The following FKBP1B variants were observed in gnomAD, a reference collection of about 807,000 sequenced individuals.
The protein encoded by FKBP1B is peptidyl-prolyl cis-trans isomerase FKBP1B.
A neutral mutation model predicts 13.5 loss-of-function variants in FKBP1B; 4 were observed. The observed-to-expected ratio is 0.30, with a 90% CI of 0.15 to 0.68. The LOEUF (loss-of-function observed/expected upper bound fraction) is 0.68. Ranked by LOEUF, FKBP1B falls within the 30% of genes least tolerant of loss-of-function variation. FKBP1B has a pLI of 0.76. For synonymous variants in FKBP1B, 54 were observed against 53.6 expected, an observed-to-expected ratio of 1.01 and a Z score of -0.03; for missense variants, 93 against 136.2, an observed-to-expected ratio of 0.68 and a Z score of 1.58.
At position 24,050,277 on chromosome 2, in the gene FKBP1B, C is replaced by G. The variant is rs925591056; in HGVS notation, c.37+391C>G. On this transcript the variant is annotated intron_variant, in intron 1 of 3. Transcript: ENST00000380986. This position sits in a 1 kb window ranked among gnomAD's most constrained non-coding sequence, Gnocchi z 5.8. Reference sequence around the variant, plus strand: ...AGCTCTGGAAAGCAGGACCTGCTCTCGGATACCCGCTGCTCGGGGACCTCC... The same window carrying G: ...AGCTCTGGAAAGCAGGACCTGCTCTGGGATACCCGCTGCTCGGGGACCTCC... Among the ~76,000 whole-genome samples the G allele has an allele frequency of 6.6e-6, 1 of 152,210 alleles. No homozygotes were observed. Among genetic ancestry groups the G allele is most frequent in the African/African-American group, 2.4e-5 (1 of 41,450 alleles).
chr2:24,044,227 A>G, the FKBP1B span, among the ~76,000 whole-genome samples: 1 of 149,336 alleles, frequency 6.7e-6, no homozygotes, highest in Non-Finnish European at 1.5e-5. Context: ...CAAGACAAGG[A>G]TTTGGGAATA....
At chr2:24,033,513 G>A in the FKBP1B span, among the ~76,000 whole-genome samples, 1 of 152,296 alleles carries the variant, frequency 6.6e-6, no homozygotes, top group Non-Finnish European at 1.5e-5. Context: ...GGCTAAGATG[G>A]ACAGATCACT....
chr2:24,062,903 C>A, intron 3 of FKBP1B, 161 bp from the exon 4 acceptor site: 2 of 1,063,144 alleles, frequency 1.9e-6, no homozygotes, highest in Non-Finnish European at 2.7e-6. Flanking sequence ...TTTGTTAAAG[C>A]TGTTAGCACG....
At chr2:24,042,232 T>C in the FKBP1B span, among the ~76,000 whole-genome samples, 4 of 151,600 alleles carry the variant, frequency 2.6e-5, no homozygotes, top group African/African-American at 9.7e-5. Context: ...AGAAACCCCA[T>C]CTCTACTAAA....
chr2:24,060,677 G>A, intron 2 of FKBP1B, 137 bp from the exon 3 acceptor site: 1 of 636,462 alleles, frequency 1.6e-6, no homozygotes, highest in Non-Finnish European at 2.8e-6. Context: ...TTCCTGCTTG[G>A]GCAACAGGAT....
At chr2:24,037,851 T>C in the FKBP1B span, 1 of 1,614,224 alleles carries the variant, frequency 6.2e-7, no homozygotes. Flanking sequence ...TTTCACTTTG[T>C]AAGTTCTTTC....
chr2:24,058,086 A>G (rs893070156), intron 2 of FKBP1B, among the ~76,000 whole-genome samples: 1 of 151,744 alleles, frequency 6.6e-6, no homozygotes, highest in South Asian at 2.1e-4. Context: ...AATCCCAGCT[A>G]CTCGGGAGGC....
intron 2 of FKBP1B, among the ~76,000 whole-genome samples, chr2:24,057,924 C>T (rs994026370): frequency 4.6e-5 from 7 of 151,286 alleles, no homozygotes; most frequent in Middle Eastern, 3.2e-3. Context: ...AGGCCAGGTG[C>T]GGTGGCTCCT....
chr2:24,052,919 G>A (rs1443497137), intron 1 of FKBP1B, among the ~76,000 whole-genome samples: 1 of 151,982 alleles, frequency 6.6e-6, no homozygotes, highest in African/African-American at 2.4e-5. Flanking sequence ...GCTGCACAGA[G>A]CCGAGATCAT....
chr2:24,053,842 A>G, intron 1 of FKBP1B, 60 bp from the exon 2 acceptor site: 2 of 1,498,992 alleles, frequency 1.3e-6, no homozygotes, highest in Non-Finnish European at 1.9e-6. Context: ...GATCATACTT[A>G]ATGTCCCAGG....
At chr2:24,036,909 C>A in the FKBP1B span, among the ~76,000 whole-genome samples, 1 of 152,176 alleles carries the variant, frequency 6.6e-6, no homozygotes, top group Non-Finnish European at 1.5e-5. Flanking sequence ...TGGGGCAAGG[C>A]CATATTTTAT....
chr2:24,052,507 A>G (rs527296421), intron 1 of FKBP1B, among the ~76,000 whole-genome samples: 1 of 152,240 alleles, frequency 6.6e-6, no homozygotes, highest in African/African-American at 2.4e-5. Context: ...TTCAAGTCCC[A>G]GCTCCAGGGG....
At chr2:24,047,616 C>T (rs140096220), upstream of FKBP1B, among the ~76,000 whole-genome samples, 2 of 152,218 alleles carry the variant, frequency 1.3e-5, no homozygotes, top group African/African-American at 2.4e-5. Flanking sequence ...AACCACCGAC[C>T]GCAAGCCCGC....
intron 1 of FKBP1B, among the ~76,000 whole-genome samples, chr2:24,052,694 TG>T (rs1426175241): frequency 2.0e-5 from 3 of 152,176 alleles, no homozygotes; most frequent in Admixed American, 6.6e-5. Flanking sequence ...AGGGCGGGTT[TG>T]GTGGCTCATG....
the FKBP1B span, among the ~76,000 whole-genome samples, chr2:24,042,948 A>G: frequency 6.3e-5 from 9 of 141,812 alleles, no homozygotes; most frequent in East Asian, 6.6e-4. Flanking sequence ...CAGGAGAATC[A>G]CTTGAACCCA....
At chr2:24,043,821 T>C in the FKBP1B span, among the ~76,000 whole-genome samples, 1 of 152,210 alleles carries the variant, frequency 6.6e-6, no homozygotes, top group African/African-American at 2.4e-5. Context: ...CCTGGTGATT[T>C]GCTTATCTGT....
the FKBP1B span, among the ~76,000 whole-genome samples, chr2:24,043,434 C>T: frequency 1.3e-5 from 2 of 152,134 alleles, no homozygotes; most frequent in African/African-American, 4.8e-5. Flanking sequence ...TCACTTGAGC[C>T]CTGGAGTTCG....
the FKBP1B span, among the ~76,000 whole-genome samples, chr2:24,035,105 T>C: frequency 1.3e-5 from 2 of 151,806 alleles, no homozygotes; most frequent in Non-Finnish European, 2.9e-5. Flanking sequence ...TATCTGTGAT[T>C]TTCTCTAAAG....
chr2:24,034,804 G>C, the FKBP1B span, among the ~76,000 whole-genome samples: 1 of 151,956 alleles, frequency 6.6e-6, no homozygotes, highest in Non-Finnish European at 1.5e-5. Context: ...CGAACTCCTG[G>C]ACTCAAGTGA....
Sources: allele counts gnomAD v4.1 joint callset (sites outside exome capture counted in the v4.1 genomes callset), GRCh38; gene constraint gnomAD v4.1.1; non-coding constraint Gnocchi (gnomAD v3.1); transcripts MANE v1.5; gene names NCBI Gene and HGNC (gene_info 2026-07-23, HGNC 2026-07-21).